The following SNTG1 variants were observed in gnomAD, a reference collection of about 807,000 sequenced individuals.
SNTG1 encodes syntrophin gamma 1.
SNTG1 carries 39 observed loss-of-function variants against 74.7 expected under a neutral mutation model. The ratio of observed to expected loss-of-function variants is 0.52; its 90% CI spans 0.40 to 0.68. The LOEUF is 0.68. SNTG1 is among the 30% of genes least tolerant of loss of function. The pLI is 0.00. For missense variants in SNTG1, 685 were observed against 609.5 expected (o/e 1.12, Z -1.30); for synonymous variants, 254 against 217.1 (o/e 1.17, Z -1.49).
At chr8:50,402,428 G>A (rs2131354862) in intron 4 of SNTG1, 84 bp downstream of exon 4, 4 of 1,462,192 alleles carry the variant, frequency 2.7e-6, no homozygotes, top group East Asian at 2.3e-5. Flanking sequence ...TTTTAAATAT[G>A]TTTTTCTTTC....
At chr8:50,289,052 T>G (rs1170088682) in intron 2 of SNTG1, among the ~76,000 whole-genome samples, 1 of 152,210 alleles carries the variant, frequency 6.6e-6, no homozygotes, top group Non-Finnish European at 1.5e-5. Context: ...TGCAACATGT[T>G]TTACATTTTG....
At chr8:50,133,269 T>C (rs1020193070) in intron 1 of SNTG1, among the ~76,000 whole-genome samples, 4 of 152,178 alleles carry the variant, frequency 2.6e-5, no homozygotes, top group Admixed American at 6.6e-5. Context: ...CACTGACCAA[T>C]AATATGCTTG....
intron 2 of SNTG1, among the ~76,000 whole-genome samples, chr8:50,361,205 C>T (rs922924014): frequency 2.0e-5 from 3 of 152,048 alleles, no homozygotes; most frequent in Non-Finnish European, 2.9e-5. Context: ...TAGGCCTGCA[C>T]AGGGTCAGAA....
At chr8:50,159,481 C>T (rs1225824750) in intron 1 of SNTG1, among the ~76,000 whole-genome samples, 1 of 152,116 alleles carries the variant, frequency 6.6e-6, no homozygotes, top group Non-Finnish European at 1.5e-5. Flanking sequence ...ATTGTTGTGT[C>T]CTCCGCTGTT....
At position 50,512,399 on chromosome 8, in the gene SNTG1, G is replaced by C. The variant is rs575716840; in HGVS notation, c.466+9519G>C. ...GAATCTGACAATTATGTGTCTTGGA[G>C]TTGCTCTTCTCGAGGAGTATCTTTG... On this transcript the variant is annotated intron_variant, in intron 9 of 18. Coordinates refer to ENST00000642720, the MANE Select transcript of SNTG1 (RefSeq NM_018967.5). Among the ~76,000 whole-genome samples the C allele has an allele frequency of 2.1e-4, 32 of 152,080 alleles. 1 individual carries two copies. In the South Asian group the frequency reaches 5.8e-3, roughly 28 times the overall value.
At chr8:50,692,873 C>T (rs1030991558) in intron 15 of SNTG1, among the ~76,000 whole-genome samples, 1 of 152,220 alleles carries the variant, frequency 6.6e-6, no homozygotes, top group Non-Finnish European at 1.5e-5. Flanking sequence ...GGCAGGCAGG[C>T]CTCCTTGAGC....
rs544235645 is a variant in SNTG1 at position 50,519,262 on chromosome 8, T to G, written c.467-10915T>G. Among the ~76,000 whole-genome samples, 13 of 152,244 alleles carry G rather than the reference T, an allele frequency of 8.5e-5. No individual in the cohort carries two copies. The East Asian group carries it at 2.3e-3, about 27-fold the overall frequency. ...TTCAATAAAACTCAACACCCTTTTA[T>G]GCAAAAACTCTCAATAAACTAGGTA... On this transcript the variant is annotated intron_variant, in intron 9 of 18. Transcript: ENST00000642720.
chr8:50,657,004 C>T lies in SNTG1; in HGVS notation c.945C>T (p.Leu315=), dbSNP rs2095186438. 19 of 1,553,998 alleles carry T rather than the reference C, an allele frequency of 1.2e-5. No homozygotes were observed. Among genetic ancestry groups the T allele is most frequent in the Non-Finnish European group, 1.6e-5 (19 of 1,153,646 alleles). ...PTFLALRGSC[L]YKFLAPPVTT... is the part of the protein sequence containing the mutation. ...TCCTGGCCCTGAGGGGCTCATGTCT[C>T]TACAAGTTTCTGGCACCTCCAGTAC... is the stretch of plus-strand genomic sequence containing the variant. The change falls in exon 14 of 19, where the codon CTC becomes CTT. Residue 315 remains leucine (L), a synonymous_variant. Transcript: ENST00000642720.
intron 2 of SNTG1, among the ~76,000 whole-genome samples, chr8:50,296,868 A>C (rs2089405095): frequency 6.6e-6 from 1 of 152,182 alleles, no homozygotes; most frequent in Admixed American, 6.6e-5. Context: ...CATTTGAGGA[A>C]ATTAGTTATC....
intron 8 of SNTG1, among the ~76,000 whole-genome samples, chr8:50,484,145 T>TTTCTTTCC (rs1347222732): frequency 4.9e-5 from 3 of 61,178 alleles, no homozygotes; most frequent in Non-Finnish European, 8.6e-5. Flanking sequence ...TCCTTCTTTC[T>TTTCTTTCC]TTCTTTCCTT....
At chr8:50,632,285 TTTTA>T (rs745874673) in intron 13 of SNTG1, among the ~76,000 whole-genome samples, 4,580 of 134,308 alleles carry the variant, frequency 0.034, 82 homozygotes, top group South Asian at 0.049. Flanking sequence ...GTCTTTTTAA[TTTTA>T]TTTATTTATT....
At chr8:50,413,248 TG>T (rs1403305982) in intron 4 of SNTG1, among the ~76,000 whole-genome samples, 1 of 152,174 alleles carries the variant, frequency 6.6e-6, no homozygotes, top group Non-Finnish European at 1.5e-5. Context: ...TAGAGATGGA[TG>T]ATAGATGCAT....
At chr8:50,215,272 G>T (rs917035914) in intron 2 of SNTG1, among the ~76,000 whole-genome samples, 1 of 151,780 alleles carries the variant, frequency 6.6e-6, no homozygotes, top group African/African-American at 2.4e-5. Flanking sequence ...TATAATAAAA[G>T]TTAAAATATC....
intron 1 of SNTG1, among the ~76,000 whole-genome samples, chr8:50,168,972 C>T (rs1044044868): frequency 6.6e-6 from 1 of 152,146 alleles, no homozygotes; most frequent in Non-Finnish European, 1.5e-5. Context: ...GTCATTTTAT[C>T]ATATGTATAT....
chr8:50,486,239 C>T (rs1340680555), intron 8 of SNTG1, among the ~76,000 whole-genome samples: 2 of 146,204 alleles, frequency 1.4e-5, no homozygotes, highest in Non-Finnish European at 3.0e-5. Context: ...TTACCTTGGG[C>T]AGTATGGCCA....
At chr8:50,216,746 T>A (rs2084809263) in intron 2 of SNTG1, among the ~76,000 whole-genome samples, 1 of 152,078 alleles carries the variant, frequency 6.6e-6, no homozygotes, top group Admixed American at 6.6e-5. Flanking sequence ...GTCTGAGAAT[T>A]ATTTTCATAA....
At chr8:50,518,129 A>G (rs1407519739) in intron 9 of SNTG1, among the ~76,000 whole-genome samples, 1 of 152,222 alleles carries the variant, frequency 6.6e-6, no homozygotes, top group Admixed American at 6.5e-5. Flanking sequence ...CGGCAATCAA[A>G]TAAGAACTCA....
At chr8:50,444,719 C>T (rs948904194) in intron 5 of SNTG1, among the ~76,000 whole-genome samples, 2 of 143,680 alleles carry the variant, frequency 1.4e-5, no homozygotes, top group Non-Finnish European at 3.0e-5. Context: ...CACTGCACTC[C>T]AGCCTGGGCG....
intron 2 of SNTG1, among the ~76,000 whole-genome samples, chr8:50,306,696 T>A (rs2089912606): frequency 6.6e-6 from 1 of 152,100 alleles, no homozygotes; most frequent in African/African-American, 2.4e-5. Context: ...TATATCTTTT[T>A]TGAGAAATGT....
Sources: gnomAD v4.1 joint callset for allele counts (sites outside exome capture counted in the v4.1 genomes callset) on GRCh38, gnomAD v4.1.1 for gene constraint, MANE v1.5 for transcripts, NCBI Gene and HGNC (gene_info 2026-07-23, HGNC 2026-07-21) for gene names.